Variants in TENM1 observed in about 807,000 individuals in gnomAD.
TENM1 encodes the protein teneurin transmembrane protein 1.
TENM1 carries 35 observed loss-of-function variants against 174.8 expected under a neutral mutation model. The ratio of observed to expected loss-of-function variants is 0.20; its 90% CI spans 0.15 to 0.27. The LOEUF (loss-of-function observed/expected upper bound fraction) is 0.27, where lower values mean the gene tolerates loss of function less well. TENM1 is among the 10% of genes least tolerant of loss of function. TENM1 has a pLI of 1.00. For synonymous variants in TENM1, 781 were observed against 798.7 expected (o/e 0.98, Z 0.37); for missense variants, 1,633 against 2,130.1 (o/e 0.77, Z 4.59).
At chrX:124,463,603 GTT>G (rs1433525962) in intron 22 of TENM1, among the ~76,000 whole-genome samples, 9 of 111,226 alleles carry the variant, frequency 8.1e-5, no homozygotes, top group Non-Finnish European at 1.1e-4. Flanking sequence ...GTTGAAAACA[GTT>G]TTGTTAGCTC....
chrX:124,971,567 C>A, the TENM1 span, among the ~76,000 whole-genome samples: 1 of 111,722 alleles, frequency 9.0e-6, no homozygotes, highest in Non-Finnish European at 1.9e-5. Flanking sequence ...AGTATTATAA[C>A]TGAAGCCATA....
the TENM1 span, among the ~76,000 whole-genome samples, chrX:125,181,433 A>C: frequency 9.0e-6 from 1 of 111,438 alleles, no homozygotes; most frequent in Non-Finnish European, 1.9e-5. Flanking sequence ...AAACAAACGT[A>C]TCTGAGGACT....
At chrX:124,709,212 T>A (rs965252314) in intron 4 of TENM1, among the ~76,000 whole-genome samples, 2 of 111,974 alleles carry the variant, frequency 1.8e-5, no homozygotes, top group South Asian at 7.4e-4. Context: ...ACAGTCGATA[T>A]CTCTATTTTA....
At chrX:124,842,040 T>C (rs1374421679) in intron 3 of TENM1, among the ~76,000 whole-genome samples, 1 of 111,850 alleles carries the variant, frequency 8.9e-6, no homozygotes, top group Non-Finnish European at 1.9e-5. Context: ...CTCATACTTA[T>C]AGTGTTACCA....
the TENM1 span, among the ~76,000 whole-genome samples, chrX:125,023,527 C>T: frequency 9.1e-6 from 1 of 110,246 alleles, no homozygotes; most frequent in Non-Finnish European, 1.9e-5. Context: ...GACAATGCTA[C>T]AGAAGAGTAA....
At chrX:125,061,008 T>TAC in the TENM1 span, among the ~76,000 whole-genome samples, 1 of 109,882 alleles carries the variant, frequency 9.1e-6, no homozygotes, top group African/African-American at 3.3e-5. Flanking sequence ...ATTTTATATA[T>TAC]ATATATATAT....
At chrX:124,557,837 C>CT (rs1179374507) in intron 14 of TENM1, among the ~76,000 whole-genome samples, 1 of 111,782 alleles carries the variant, frequency 8.9e-6, no homozygotes, top group Non-Finnish European at 1.9e-5. Context: ...AATGTCCAAA[C>CT]TTTTTTTCTG....
intron 3 of TENM1, among the ~76,000 whole-genome samples, chrX:124,754,135 T>A (rs1369229927): frequency 9.0e-6 from 1 of 111,625 alleles, no homozygotes. Context: ...TTTTCGTTGG[T>A]AAGCTATTGA....
At chrX:125,151,610 G>A in the TENM1 span, among the ~76,000 whole-genome samples, 2 of 112,206 alleles carry the variant, frequency 1.8e-5, no homozygotes, top group African/African-American at 3.2e-5. Context: ...TGAAAATTGT[G>A]TATATGGTTT....
intron 20 of TENM1, among the ~76,000 whole-genome samples, chrX:124,489,546 C>T (rs2047021450): frequency 9.0e-6 from 1 of 111,428 alleles, no homozygotes; most frequent in Non-Finnish European, 1.9e-5. Context: ...CCTCCCTCAG[C>T]TCCAGGCAAC....
At chrX:124,862,114 C>T (rs1271420639) in intron 3 of TENM1, among the ~76,000 whole-genome samples, 2 of 112,107 alleles carry the variant, frequency 1.8e-5, no homozygotes, top group Admixed American at 9.5e-5. Context: ...CTGACTTCAT[C>T]GAGCTGATTG....
At chrX:124,421,270 A>G (rs2060650344) in intron 24 of TENM1, among the ~76,000 whole-genome samples, 3 of 112,390 alleles carry the variant, frequency 2.7e-5, no homozygotes, top group Admixed American at 9.4e-5. Context: ...CACTAAGTCT[A>G]TAAGTACAAC....
chrX:124,455,749 T>C (rs1416617575), intron 22 of TENM1, among the ~76,000 whole-genome samples: 1 of 111,565 alleles, frequency 9.0e-6, no homozygotes, highest in Non-Finnish European at 1.9e-5. Flanking sequence ...CTAAGAGGAA[T>C]ACTCTGGAAC....
chrX:124,420,216 C>T, intron 25 of TENM1, 95 bp downstream of exon 28: 1 of 944,269 alleles, frequency 1.1e-6, no homozygotes, highest in Admixed American at 3.1e-5. Context: ...GAGAAAACAG[C>T]ATGCAACACT....
At chrX:124,917,582 C>A (rs1402880375) in intron 1 of TENM1, among the ~76,000 whole-genome samples, 3 of 112,024 alleles carry the variant, frequency 2.7e-5, no homozygotes, top group Non-Finnish European at 5.6e-5. Flanking sequence ...GCCTGGTGCA[C>A]AATCAGTGCT....
chrX:125,132,840 T>C, the TENM1 span, among the ~76,000 whole-genome samples: 1 of 111,614 alleles, frequency 9.0e-6, no homozygotes, highest in Non-Finnish European at 1.9e-5. Context: ...AACAAGTTAT[T>C]TAACCTCTCT....
the TENM1 span, among the ~76,000 whole-genome samples, chrX:125,145,876 T>C: frequency 3.6e-5 from 4 of 112,141 alleles, no homozygotes; most frequent in Admixed American, 9.5e-5. Context: ...GAAACCGTGA[T>C]AGTAAAACTA....
intron 3 of TENM1, among the ~76,000 whole-genome samples, chrX:124,823,664 T>A (rs986664424): frequency 7.2e-5 from 8 of 110,602 alleles, no homozygotes; most frequent in African/African-American, 2.6e-4. Flanking sequence ...GTGAAAAAAA[T>A]TTAAAATTTA....
chrX:124,815,454 C>G (rs1360449265), intron 3 of TENM1, among the ~76,000 whole-genome samples: 1 of 111,434 alleles, frequency 9.0e-6, no homozygotes, highest in Non-Finnish European at 1.9e-5. Flanking sequence ...TTTTTTCCAA[C>G]ATTGATTTCA....
Sources: allele counts gnomAD v4.1 joint callset (sites outside exome capture counted in the v4.1 genomes callset), GRCh38; gene constraint gnomAD v4.1.1; transcripts MANE v1.5; gene names NCBI Gene and HGNC (gene_info 2026-07-23, HGNC 2026-07-21).